Variants in SNX25 observed in about 807,000 individuals in gnomAD.
The protein encoded by SNX25 is sorting nexin-25.
Under a neutral mutation model 113.7 loss-of-function variants are expected in SNX25, and 62 were observed. The ratio of observed to expected loss-of-function variants is 0.55; its 90% CI spans 0.44 to 0.67. SNX25 has a LOEUF of 0.67. Ranked by LOEUF, SNX25 falls within the 30% of genes least tolerant of loss-of-function variation. The pLI is 0.00. For missense variants in SNX25, 1,014 were observed against 1,161.0 expected (o/e 0.87, Z 1.84); for synonymous variants, 421 against 436.2 (o/e 0.97, Z 0.43).
At position 185,277,720 on chromosome 4, in the gene SNX25, C is replaced by CTTT. The variant is rs758092952; in HGVS notation, c.1092-10264_1092-10262dup. ...ATGATGAGTTTTGAGTACTTATTAC[C>CTTT]TTTTTTTTTTTTTTTTTTTTTTTTT... On this transcript the variant is annotated intron_variant, in intron 5 of 18. Coordinates refer to ENST00000652585, the MANE Select transcript of SNX25 (RefSeq NM_001378034.2). Among the ~76,000 whole-genome samples the CTTT allele has an allele frequency of 1.6e-3, 101 of 63,504 alleles. 28 individuals are homozygous for CTTT. Among genetic ancestry groups the CTTT allele is most frequent in the Admixed American group, 4.1e-3 (23 of 5,588 alleles). The allele number at this position is 63,504 out of a possible 152,430, so 41.7% of individuals were successfully genotyped here.
chr4:185,262,800 A>T (rs1212008243), intron 3 of SNX25, among the ~76,000 whole-genome samples: 1 of 152,244 alleles, frequency 6.6e-6, no homozygotes, highest in Non-Finnish European at 1.5e-5. Flanking sequence ...CACAGCAAAC[A>T]AATGATTGAT....
At chr4:185,257,510 G>A (rs1258808807) in intron 2 of SNX25, among the ~76,000 whole-genome samples, 2 of 151,618 alleles carry the variant, frequency 1.3e-5, no homozygotes, top group Admixed American at 1.3e-4. Flanking sequence ...AGCTTAGTAC[G>A]AAAAAAAGCA....
intron 5 of SNX25, among the ~76,000 whole-genome samples, chr4:185,278,053 A>G (rs949864210): frequency 2.0e-5 from 3 of 152,128 alleles, no homozygotes; most frequent in Non-Finnish European, 4.4e-5. Context: ...TAAAAAATAA[A>G]ATTTATTTAA....
intron 10 of SNX25, among the ~76,000 whole-genome samples, chr4:185,338,105 T>G (rs1191437651): frequency 2.0e-5 from 3 of 152,192 alleles, no homozygotes. Context: ...TTTTTAAATA[T>G]TTCGTGGTTT....
rs533714439 is a variant in SNX25, at chr4:185,228,758, G to A, written c.429+18503G>A. Among the ~76,000 whole-genome samples the A allele has an allele frequency of 2.0e-5, 3 of 152,290 alleles. No homozygotes were observed. The East Asian group carries it at 5.8e-4, about 29-fold the overall frequency. On this transcript the variant is annotated intron_variant, in intron 1 of 18. Coordinates refer to ENST00000652585, the MANE Select transcript of SNX25 (RefSeq NM_001378034.2). ...GGTTTGGAAAAAACATCATTGGAGAGAATAAGAGCAGAACCGTTTATTGGG... is the reference window on the plus strand; with the variant it reads ...GGTTTGGAAAAAACATCATTGGAGAAAATAAGAGCAGAACCGTTTATTGGG...
chr4:185,338,536 C>T (rs1350304661), intron 10 of SNX25, among the ~76,000 whole-genome samples: 1 of 152,172 alleles, frequency 6.6e-6, no homozygotes, highest in Non-Finnish European at 1.5e-5. Context: ...GATCCACCTG[C>T]CTTAGCCTCC....
chr4:185,319,473 A>G (rs925379181), intron 7 of SNX25, among the ~76,000 whole-genome samples: 1 of 148,800 alleles, frequency 6.7e-6, no homozygotes, highest in Non-Finnish European at 1.5e-5. Flanking sequence ...TGCTGGGATT[A>G]CAGTCGTGAG....
At position 185,296,972 on chromosome 4, in the gene SNX25, G is replaced by A. The variant is rs559489089; in HGVS notation, c.1162+8890G>A. ...TGTTCATCTTCTTTGACCTTTCTGCGGCATTTGATATTGTTGACTGCTCAG... is the reference window on the plus strand; with the variant it reads ...TGTTCATCTTCTTTGACCTTTCTGCAGCATTTGATATTGTTGACTGCTCAG... On this transcript the variant is annotated intron_variant, in intron 6 of 18. Transcript: ENST00000652585. 6.6e-5 allele frequency among the ~76,000 whole-genome samples: 10 copies of A among 152,150 alleles called. No individual in the cohort carries two copies. The South Asian group carries it at 8.3e-4, about 13-fold the overall frequency.
chr4:185,378,280 C>T, the SNX25 span: 10 of 1,546,304 alleles, frequency 6.5e-6, no homozygotes, highest in Admixed American at 2.1e-4. Context: ...ACTCTATTCC[C>T]ACCAGGTGCT....
intron 6 of SNX25, among the ~76,000 whole-genome samples, chr4:185,303,198 G>A (rs1223691353): frequency 1.3e-5 from 2 of 152,144 alleles, no homozygotes; most frequent in African/African-American, 2.4e-5. Flanking sequence ...TCTGAGTTCC[G>A]GGTGTATATC....
chr4:185,208,216 C>T (rs1737279340), upstream of SNX25, among the ~76,000 whole-genome samples: 1 of 152,058 alleles, frequency 6.6e-6, no homozygotes, highest in East Asian at 2.0e-4. Context: ...TCAAGTTTCA[C>T]TATGTTGGCC....
intron 6 of SNX25, among the ~76,000 whole-genome samples, chr4:185,289,617 A>G (rs895294662): frequency 7.9e-5 from 12 of 152,174 alleles, no homozygotes; most frequent in African/African-American, 2.4e-4. Flanking sequence ...ACGTCTTTAA[A>G]TGGGCTTTTG....
intron 13 of SNX25, among the ~76,000 whole-genome samples, 177 bp downstream of exon 13, chr4:185,346,827 T>C (rs905477544): frequency 1.3e-5 from 2 of 152,148 alleles, no homozygotes; most frequent in African/African-American, 2.4e-5. Flanking sequence ...AAAATACACG[T>C]AAGTGTATAA....
At chr4:185,303,953 C>G (rs1273041860) in intron 6 of SNX25, among the ~76,000 whole-genome samples, 2 of 152,110 alleles carry the variant, frequency 1.3e-5, no homozygotes, top group Non-Finnish European at 2.9e-5. Flanking sequence ...TTTTGAGTTC[C>G]TTAGCAACTG....
chr4:185,350,827 A>G (rs1313396718), intron 13 of SNX25, among the ~76,000 whole-genome samples: 1 of 152,248 alleles, frequency 6.6e-6, no homozygotes, highest in African/African-American at 2.4e-5. Flanking sequence ...GCGCCACTGC[A>G]CGACATCCTG....
intron 1 of SNX25, among the ~76,000 whole-genome samples, chr4:185,213,290 G>C (rs1417608026): frequency 6.6e-6 from 1 of 152,066 alleles, no homozygotes; most frequent in South Asian, 2.1e-4. Context: ...CATCTCCTAT[G>C]TACATGGATT....
At chr4:185,253,130 A>G (rs997679476) in intron 2 of SNX25, among the ~76,000 whole-genome samples, 1 of 152,166 alleles carries the variant, frequency 6.6e-6, no homozygotes, top group Non-Finnish European at 1.5e-5. Flanking sequence ...TCTATTGCCT[A>G]ATTTTCACTA....
At chr4:185,356,068 G>A (rs765683915) in intron 15 of SNX25, among the ~76,000 whole-genome samples, 1 of 152,148 alleles carries the variant, frequency 6.6e-6, no homozygotes, top group African/African-American at 2.4e-5. Flanking sequence ...TGATCTATTC[G>A]TCGTCAGCAG....
At chr4:185,322,941 C>G (rs1051744668) in intron 8 of SNX25, among the ~76,000 whole-genome samples, 58 of 152,230 alleles carry the variant, frequency 3.8e-4, no homozygotes, top group African/African-American at 1.3e-3. Flanking sequence ...TGTAATGCCT[C>G]TAGAGGAACT....
Sources: gnomAD v4.1 joint callset for allele counts (sites outside exome capture counted in the v4.1 genomes callset) on GRCh38, gnomAD v4.1.1 for gene constraint, MANE v1.5 for transcripts, NCBI Gene and HGNC (gene_info 2026-07-23, HGNC 2026-07-21) for gene names.